SERINC5: variants seen among roughly 807,000 people sequenced by gnomAD.
The protein encoded by SERINC5 is serine incorporator 5.
A neutral mutation model predicts 63.1 loss-of-function variants in SERINC5; 41 were observed. That is an observed-to-expected ratio of 0.65 (90% CI 0.51 to 0.84). SERINC5 has a LOEUF of 0.84. Among genes scored for constraint, SERINC5 ranks in the 40% least tolerant of loss-of-function variants. SERINC5 has a pLI of 0.00. For synonymous variants in SERINC5, 222 were observed against 215.2 expected, an observed-to-expected ratio of 1.03 and a Z score of -0.28; for missense variants, 523 against 573.0, an observed-to-expected ratio of 0.91 and a Z score of 0.89.
At chr5:80,133,977 GACAGC>G (rs1745051338), downstream of SERINC5, among the ~76,000 whole-genome samples, 1 of 152,202 alleles carries the variant, frequency 6.6e-6, no homozygotes, top group African/African-American at 2.4e-5. Context: ...TCTGGTTAGG[GACAGC>G]TGATCCATCG....
chr5:80,171,971 CTA>C (rs776833586), intron 5 of SERINC5, among the ~76,000 whole-genome samples: 30 of 152,222 alleles, frequency 2.0e-4, no homozygotes, highest in East Asian at 1.5e-3. Context: ...GATTTGATTA[CTA>C]TATAACATAT....
intron 11 of SERINC5, among the ~76,000 whole-genome samples, chr5:80,120,383 A>G (rs1744494866): frequency 6.6e-6 from 1 of 152,136 alleles, no homozygotes; most frequent in Non-Finnish European, 1.5e-5. Context: ...GGAACTGGGG[A>G]TCTACAACAT....
intron 1 of SERINC5, among the ~76,000 whole-genome samples, chr5:80,221,963 G>A (rs1243119406): frequency 6.6e-6 from 1 of 151,972 alleles, no homozygotes; most frequent in Non-Finnish European, 1.5e-5. Context: ...CCTGGGTTGT[G>A]GGGAGACATC....
intron 1 of SERINC5, among the ~76,000 whole-genome samples, chr5:80,224,945 G>GTT (rs368546307): frequency 5.3e-5 from 7 of 132,588 alleles, no homozygotes; most frequent in East Asian, 2.2e-4. Context: ...GTTTTTTTTT[G>GTT]TTTTTTTTTT....
intron 1 of SERINC5, among the ~76,000 whole-genome samples, chr5:80,204,747 G>A (rs1003953949): frequency 6.6e-6 from 1 of 152,094 alleles, no homozygotes; most frequent in African/African-American, 2.4e-5. Flanking sequence ...ACAAAAAGTT[G>A]GGCCCAAGAA....
chr5:80,249,868 G>C (rs576099686), intron 1 of SERINC5, among the ~76,000 whole-genome samples: 27 of 152,214 alleles, frequency 1.8e-4, no homozygotes, highest in African/African-American at 4.6e-4. Context: ...GCATCAAAAT[G>C]TGGTTCTCTC....
chr5:80,219,253 G>GC (rs1232468462), intron 1 of SERINC5, among the ~76,000 whole-genome samples: 3 of 152,184 alleles, frequency 2.0e-5, no homozygotes, highest in Non-Finnish European at 4.4e-5. Context: ...CCCATGTTCT[G>GC]GATGCCTGGT....
intron 2 of SERINC5, among the ~76,000 whole-genome samples, chr5:80,180,608 G>C (rs1055048068): frequency 6.6e-6 from 1 of 152,108 alleles, no homozygotes; most frequent in East Asian, 1.9e-4. Flanking sequence ...GAGGTTGCTC[G>C]GTATTTACCC....
At chr5:80,245,572 T>G (rs1752132482) in intron 1 of SERINC5, among the ~76,000 whole-genome samples, 1 of 152,090 alleles carries the variant, frequency 6.6e-6, no homozygotes, top group South Asian at 2.1e-4. Context: ...ACATACAGCC[T>G]CTGAACTTCA....
chr5:80,218,827 C>G (rs770713934), intron 1 of SERINC5, among the ~76,000 whole-genome samples: 45 of 152,116 alleles, frequency 3.0e-4, no homozygotes, highest in African/African-American at 1.1e-3. Flanking sequence ...CCGCTCTCCC[C>G]ACAAACCACA....
In SERINC5 at chr5:80,139,023, A is replaced by T; in HGVS notation, c.*4640T>A. 1.0e-6 allele frequency: 1 copy of T among 982,674 alleles called. No individual in the cohort carries two copies. Among genetic ancestry groups the T allele is most frequent in the Non-Finnish European group, 1.2e-6 (1 of 827,418 alleles). 60.9% of individuals were successfully genotyped at this position (982,674 alleles called of 1,614,324 possible). A position where few individuals can be genotyped will look rare whatever the true frequency, so the allele number is the denominator to read the frequency against. On this transcript the variant is annotated 3_prime_UTR_variant, in exon 12 of 12. Transcript: ENST00000507668. The stretch of plus-strand genomic sequence containing the variant: ...AAAACAAATAGAAATCCATGACTAA[A>T]GGGGGAAAATAACTTTCAAAAGTTA...
At chr5:80,193,152 G>T (rs969021449) in intron 2 of SERINC5, among the ~76,000 whole-genome samples, 2 of 152,186 alleles carry the variant, frequency 1.3e-5, no homozygotes, top group South Asian at 4.1e-4. Context: ...TTTGAAGAAT[G>T]AGCTCGGATT....
chr5:80,249,039 GTA>G (rs1355589490), intron 1 of SERINC5, among the ~76,000 whole-genome samples: 8 of 152,194 alleles, frequency 5.3e-5, no homozygotes, highest in African/African-American at 1.9e-4. Context: ...ATCAGGCCGG[GTA>G]CGGTGGCTCA....
At position 80,139,165 on chromosome 5, in the gene SERINC5, A is replaced by G; in HGVS notation, c.*4498T>C. ...GTAACCACATAATTTGGCTACAGCT[A>G]ATCGTTTCAGAAAAGTTTAAAAAAT... On this transcript the variant is annotated 3_prime_UTR_variant, in exon 12 of 12. Transcript: ENST00000507668. 2 of 985,034 alleles carry G rather than the reference A, an allele frequency of 2.0e-6. No individual in the cohort carries two copies. Among genetic ancestry groups the G allele is most frequent in the Non-Finnish European group, 2.4e-6 (2 of 829,544 alleles). The allele number at this position is 985,034 out of a possible 1,614,324, so 61.0% of individuals were successfully genotyped here. A position where few individuals can be genotyped will look rare whatever the true frequency, so the allele number is the denominator to read the frequency against.
intron 2 of SERINC5, among the ~76,000 whole-genome samples, chr5:80,185,795 C>A (rs1323152375): frequency 6.6e-6 from 1 of 151,908 alleles, no homozygotes; most frequent in African/African-American, 2.4e-5. Flanking sequence ...AGGCAAGGAC[C>A]GGCCATTTAC....
chr5:80,193,435 G>T (rs1749320812), intron 2 of SERINC5, among the ~76,000 whole-genome samples: 1 of 152,158 alleles, frequency 6.6e-6, no homozygotes, highest in Non-Finnish European at 1.5e-5. Flanking sequence ...AGACGCTTTA[G>T]ATGACTACAG....
chr5:80,202,659 A>C (rs1046134454), intron 2 of SERINC5, among the ~76,000 whole-genome samples: 1 of 151,700 alleles, frequency 6.6e-6, no homozygotes, highest in Admixed American at 6.6e-5. Context: ...AAAGCATCAG[A>C]TAGAATCTAC....
At chr5:80,243,946 G>C (rs1385267528) in intron 1 of SERINC5, among the ~76,000 whole-genome samples, 1 of 151,810 alleles carries the variant, frequency 6.6e-6, no homozygotes, top group African/African-American at 2.4e-5. Flanking sequence ...GGATTTCTCT[G>C]AAGAAAAAAG....
intron 1 of SERINC5, among the ~76,000 whole-genome samples, chr5:80,209,169 T>C (rs1046756626): frequency 1.3e-5 from 2 of 151,594 alleles, no homozygotes; most frequent in Non-Finnish European, 2.9e-5. Flanking sequence ...TTCTGAGGAG[T>C]CTGAGGCACG....
Sources: gnomAD v4.1 joint callset for allele counts (sites outside exome capture counted in the v4.1 genomes callset) on GRCh38, gnomAD v4.1.1 for gene constraint, MANE v1.5 for transcripts, NCBI Gene and HGNC (gene_info 2026-07-23, HGNC 2026-07-21) for gene names.